NAMPT: variants seen among roughly 807,000 people sequenced by gnomAD.
NAMPT encodes the protein nicotinamide phosphoribosyltransferase, also known as NAmPRTase.
Under a neutral mutation model 58.7 loss-of-function variants are expected in NAMPT, and 7 were observed. The observed-to-expected ratio is 0.12, with a 90% CI of 0.07 to 0.22. The LOEUF (loss-of-function observed/expected upper bound fraction) is 0.22, where lower values mean the gene tolerates loss of function less well. Among genes scored for constraint, NAMPT ranks in the 10% least tolerant of loss-of-function variants. The pLI, the probability that NAMPT is intolerant of heterozygous loss-of-function variation, is 1.00. For synonymous variants in NAMPT, 145 were observed against 198.1 expected, an observed-to-expected ratio of 0.73 and a Z score of 2.25; for missense variants, 271 against 567.9, an observed-to-expected ratio of 0.48 and a Z score of 5.31.
intron 3 of NAMPT, among the ~76,000 whole-genome samples, chr7:106,274,521 A>G (rs1306089967): frequency 6.6e-6 from 1 of 152,172 alleles, no homozygotes. Flanking sequence ...TTATATTCAG[A>G]TCACAAACAA....
At chr7:106,258,058 C>T (rs892424867) in intron 8 of NAMPT, among the ~76,000 whole-genome samples, 1 of 152,194 alleles carries the variant, frequency 6.6e-6, no homozygotes, top group Non-Finnish European at 1.5e-5. Flanking sequence ...TAAGGTCCTC[C>T]CCCTTCTCCC....
In NAMPT at chr7:106,252,874, G is replaced by C. The variant is rs1055298213; in HGVS notation, c.1365+143C>G. On this transcript the variant is annotated intron_variant, in intron 10 of 10. Transcript: ENST00000222553. ...ACTTGTTTTGTATCTTATTTTGGTA[G>C]GCCAGGTCAGCAATTGGACATTTTA... 3 of 983,708 alleles carry C rather than the reference G, an allele frequency of 3.0e-6. No individual in the cohort carries two copies. In the African/African-American group the frequency reaches 5.0e-5, roughly 16 times the overall value. 60.9% of individuals were successfully genotyped at this position (983,708 alleles called of 1,614,324 possible). A position where few individuals can be genotyped will look rare whatever the true frequency, so the allele number is the denominator to read the frequency against.
At chr7:106,251,544 T>C (rs1253892847) in intron 10 of NAMPT, among the ~76,000 whole-genome samples, 1 of 152,074 alleles carries the variant, frequency 6.6e-6, no homozygotes, top group Non-Finnish European at 1.5e-5. Context: ...ACTGTAATCA[T>C]TGTGAGTGTG....
chr7:106,267,875 A>C (rs1245741736), intron 6 of NAMPT, among the ~76,000 whole-genome samples: 3 of 135,810 alleles, frequency 2.2e-5, no homozygotes, highest in African/African-American at 2.8e-5. Context: ...AAAAAAAAAA[A>C]ACAACCTGAT....
rs138426703 is a variant in NAMPT, at chr7:106,253,054, A to G, written c.1328T>C (p.Leu443Pro). The change falls in exon 10 of 11, where the codon CTG (leucine) becomes CCG (proline). Residue 443 changes from leucine to proline, a missense_variant. Transcript: ENST00000222553. ...HRTPAGNFVT[L>P]EEGKGDLEEY... ...CTCAAGGTCTCCTTTTCCTTCCTCC[A>G]GTGTAACAAAATTCCCTGCTGGCGT... 6.2e-7 allele frequency: 1 copy of G among 1,613,306 alleles called. No homozygotes were observed. The highest frequency in any genetic ancestry group is 8.5e-7 in the Non-Finnish European group (1 of 1,179,482).
chr7:106,285,544 TG>T (rs919517288), upstream of NAMPT: 1 of 985,998 alleles, frequency 1.0e-6, no homozygotes, highest in African/African-American at 1.7e-5. Context: ...TACTCACCTT[TG>T]TCTCCGGCCT....
At chr7:106,259,673 T>C (rs1275191848) in intron 8 of NAMPT, among the ~76,000 whole-genome samples, 1 of 152,148 alleles carries the variant, frequency 6.6e-6, no homozygotes, top group East Asian at 1.9e-4. Flanking sequence ...TCTGCCTGTC[T>C]CGGTCTCCCA....
Position 106,261,654 on chromosome 7 carries a change from G to A in NAMPT, c.1023C>T (p.Tyr341=). The change falls in exon 8 of 11, where the codon TAC becomes TAT. Residue 341 remains tyrosine (Y), a synonymous_variant. Coordinates refer to ENST00000222553, the MANE Select transcript of NAMPT (RefSeq NM_005746.3). ...CTCTAAGATAAGGTGGCAGCAACTT[G>A]TAACCCTTTGAGTTCTCAGTAACAG... ...KFPVTENSKG[Y]KLLPPYLRVI... 1.3e-6 allele frequency: 2 copies of A among 1,598,574 alleles called. No homozygotes were observed. The highest frequency in any genetic ancestry group is 1.7e-6 in the Non-Finnish European group (2 of 1,166,082).
chr7:106,263,311 T>C (rs1792345299), intron 7 of NAMPT, 81 bp downstream of exon 7: 1 of 987,126 alleles, frequency 1.0e-6, no homozygotes, highest in Non-Finnish European at 1.6e-6. Flanking sequence ...TCTGAAATTG[T>C]GTGTATATAA....
At chr7:106,272,462 A>G in intron 4 of NAMPT, 68 bp downstream of exon 4, 1 of 1,403,256 alleles carries the variant, frequency 7.1e-7, no homozygotes, top group African/African-American at 1.5e-5. Flanking sequence ...AACAAATTCT[A>G]AACTGTAATC....
intron 8 of NAMPT, among the ~76,000 whole-genome samples, chr7:106,259,701 C>A (rs1041980738): frequency 6.6e-6 from 1 of 152,072 alleles, no homozygotes; most frequent in African/African-American, 2.4e-5. Context: ...GGATTACAGG[C>A]GTGAGCCACC....
rs781266392 is a variant in NAMPT, at chr7:106,251,176, G to A, written c.1383C>T (p.Val461=). The A allele has an allele frequency of 5.0e-6, 8 of 1,595,508 alleles. No homozygotes were observed. The South Asian group carries it at 7.7e-5, about 15-fold the overall frequency. The change falls in exon 11 of 11, where the codon GTC becomes GTT. Residue 461 remains valine, a synonymous_variant. Transcript: ENST00000222553. ...EEYGQDLLHT[V]FKNGKVTKSY... ...TTTTTGTCACCTTGCCATTCTTGAAGACAGTATGGAGAAGATCCTGCATAA... is the reference window on the plus strand; with the variant it reads ...TTTTTGTCACCTTGCCATTCTTGAAAACAGTATGGAGAAGATCCTGCATAA...
At chr7:106,252,831 C>T (rs1792127090) in intron 10 of NAMPT, among the ~76,000 whole-genome samples, 186 bp downstream of exon 10, 2 of 152,070 alleles carry the variant, frequency 1.3e-5, no homozygotes, top group Admixed American at 6.6e-5. Context: ...ACACAGGCCC[C>T]GTGTTTATGA....
chr7:106,265,864 A>AC (rs2115768911), intron 6 of NAMPT, among the ~76,000 whole-genome samples: 1 of 152,352 alleles, frequency 6.6e-6, no homozygotes, highest in African/African-American at 2.4e-5. Flanking sequence ...GTTTGAGAAA[A>AC]AAAGCTTCTG....
intron 8 of NAMPT, 50 bp from the exon 9 acceptor site, chr7:106,254,554 G>T: frequency 1.3e-6 from 2 of 1,571,536 alleles, no homozygotes; most frequent in South Asian, 2.2e-5. Flanking sequence ...ATTTGGAAGA[G>T]AATGGAGATT....
intron 8 of NAMPT, among the ~76,000 whole-genome samples, chr7:106,259,176 C>A (rs979669209): frequency 2.0e-5 from 3 of 152,224 alleles, no homozygotes; most frequent in Non-Finnish European, 4.4e-5. Context: ...CAAGTTTAAT[C>A]ATGAGACTGC....
intron 4 of NAMPT, among the ~76,000 whole-genome samples, chr7:106,270,769 A>G (rs1792516401): frequency 6.6e-6 from 1 of 152,226 alleles, no homozygotes; most frequent in Non-Finnish European, 1.5e-5. Flanking sequence ...AGGCCATTAA[A>G]GGATGTCCAG....
intron 10 of NAMPT, among the ~76,000 whole-genome samples, chr7:106,251,736 AAC>A (rs1792107717): frequency 1.3e-5 from 2 of 152,126 alleles, no homozygotes; most frequent in African/African-American, 2.4e-5. Flanking sequence ...ATTCTTGACT[AAC>A]ACACAGTGAC....
chr7:106,271,951 AG>A (rs1314046697), intron 4 of NAMPT: 3 of 198,750 alleles, frequency 1.5e-5, no homozygotes, highest in African/African-American at 7.2e-5. Flanking sequence ...ATGACTACTT[AG>A]GTATACATAC....
Sources: gnomAD v4.1 joint callset for allele counts (sites outside exome capture counted in the v4.1 genomes callset) on GRCh38, gnomAD v4.1.1 for gene constraint, MANE v1.5 for transcripts, NCBI Gene and HGNC (gene_info 2026-07-23, HGNC 2026-07-21) for gene names.